Variants in HTT observed in about 807,000 individuals in gnomAD.
HTT encodes the protein huntington disease protein.
In HTT, 104 loss-of-function variants were observed where a neutral mutation model predicts 362.3. The ratio of observed to expected loss-of-function variants is 0.29; its 90% CI spans 0.24 to 0.34. The LOEUF (loss-of-function observed/expected upper bound fraction) is 0.34. Among genes scored for constraint, HTT ranks in the 10% least tolerant of loss-of-function variants. The probability of loss-of-function intolerance (pLI) is 1.00; values close to 1 mark genes in which losing one functional copy is unlikely to be tolerated. For synonymous variants in HTT, 1,577 were observed against 1,548.7 expected (o/e 1.02, Z -0.43); for missense variants, 3,301 against 3,928.6 (o/e 0.84, Z 4.27).
At chr4:3,187,288 T>G (rs1718811776) in intron 38 of HTT, among the ~76,000 whole-genome samples, 1 of 151,992 alleles carries the variant, frequency 6.6e-6, no homozygotes, top group Admixed American at 6.6e-5. Flanking sequence ...CCCGAGTAGC[T>G]GGGACTACAG....
In HTT at chr4:3,186,661, C is replaced by G. The variant is rs766366088; in HGVS notation, c.4931C>G (p.Ser1644Cys). 1 of 1,612,994 alleles carries G rather than the reference C, an allele frequency of 6.2e-7. No homozygotes were observed. Among genetic ancestry groups the G allele is most frequent in the Admixed American group, 1.7e-5 (1 of 59,976 alleles). Residue 1644 changes from serine (S) to cysteine (C), a missense_variant, in exon 38 of 67, where the codon TCC (serine) becomes TGC (cysteine). Ser to Cys is a moderately radical substitution (Grantham distance 112). Transcript: ENST00000355072. The part of the protein sequence containing the change: ...LNTLFEILAP[S>C]SLRPVDMLLR... The stretch of plus-strand genomic sequence containing the variant: ...ACATTATTTGAGATTTTGGCCCCTT[C>G]CTCCCTCCGTCCGGTAGACATGCTT...
chr4:3,147,912 C>T (rs2110205435), intron 25 of HTT, 93 bp from the exon 26 acceptor site: 2 of 988,028 alleles, frequency 2.0e-6, no homozygotes, highest in Non-Finnish European at 1.5e-6. Context: ...GGCCAACTCT[C>T]AACATAGGGT....
intron 46 of HTT, among the ~76,000 whole-genome samples, chr4:3,209,336 G>A (rs985301125): frequency 6.6e-6 from 1 of 151,744 alleles, no homozygotes; most frequent in Non-Finnish European, 1.5e-5. Context: ...ACCACCTGGA[G>A]CCTTGGTAGA....
chr4:3,180,637 A>C lies in HTT; in HGVS notation c.4735A>C (p.Ile1579Leu). 6.2e-7 allele frequency: 1 copy of C among 1,613,090 alleles called. No individual in the cohort carries two copies. The highest frequency in any genetic ancestry group is 8.5e-7 in the Non-Finnish European group (1 of 1,179,526). The change falls in exon 36 of 67, where the codon ATC becomes CTC. Residue 1579 changes from isoleucine to leucine, a missense_variant. By Grantham distance (5) the Ile-to-Leu change is conservative. Around this residue, in one of 4 missense-constraint regions of HTT, gnomAD observed 2,316 missense variants for 2,658.5 expected, o/e 0.87. Transcript: ENST00000355072. ...GGTGGTGTCAATGTTACTGAGACTC[A>C]TCCAGTACCATCAGGTAAGAGGAAT... ...EVVVSMLLRL[I>L]QYHQVLEMFI...
chr4:3,090,405 T>G (rs1052153428), intron 2 of HTT, among the ~76,000 whole-genome samples: 4 of 152,220 alleles, frequency 2.6e-5, no homozygotes, highest in African/African-American at 9.6e-5. Flanking sequence ...ACTACACATT[T>G]TTCACAAGTA....
intron 33 of HTT, among the ~76,000 whole-genome samples, chr4:3,176,034 T>G (rs914119978): frequency 2.1e-5 from 3 of 146,236 alleles, no homozygotes; most frequent in African/African-American, 8.2e-5. Flanking sequence ...TGTTTTTTTT[T>G]GTTTTTTTTT....
intron 5 of HTT, 66 bp from the exon 6 acceptor site, chr4:3,107,219 A>G (rs2110163210): frequency 6.4e-7 from 1 of 1,558,972 alleles, no homozygotes; most frequent in Non-Finnish European, 8.8e-7. Context: ...CTAACAGGGA[A>G]TGAATTGCTT....
intron 10 of HTT, chr4:3,123,241 C>T (rs1012330473): frequency 3.1e-5 from 8 of 258,596 alleles, no homozygotes; most frequent in Admixed American, 5.3e-5. Context: ...GTGTAAACAT[C>T]TTAGCTTTAT....
intron 47 of HTT, 121 bp downstream of exon 47, chr4:3,210,070 C>T (rs942129920): frequency 1.6e-6 from 2 of 1,263,880 alleles, no homozygotes; most frequent in Admixed American, 1.8e-5. Context: ...CCAGTCTGGG[C>T]AGGGACGGGA....
At chr4:3,115,492 G>T in intron 7 of HTT, 47 bp downstream of exon 7, 1 of 1,460,292 alleles carries the variant, frequency 6.8e-7, no homozygotes, top group Non-Finnish European at 9.5e-7. Flanking sequence ...ATGTACTCAA[G>T]ATAGACCTTT....
At position 3,191,230 on chromosome 4, in the gene HTT, A is replaced by G. The variant is rs534932501; in HGVS notation, c.5368+2137A>G. On this transcript the variant is annotated intron_variant, in intron 40 of 66. Transcript: ENST00000355072. The stretch of plus-strand genomic sequence containing the variant: ...CTCTTGTTGCCCATCCTGGAGTGCA[A>G]TGGTGCCATCTCGGCTCACCGCAAC... Among the ~76,000 whole-genome samples, 37 of 151,180 alleles carry G rather than the reference A, an allele frequency of 2.4e-4. 1 individual carries two copies. The South Asian group carries it at 7.3e-3, about 30-fold the overall frequency.
At chr4:3,162,535 T>C (rs1440850581) in intron 29 of HTT, among the ~76,000 whole-genome samples, 1 of 152,258 alleles carries the variant, frequency 6.6e-6, no homozygotes, top group Non-Finnish European at 1.5e-5. Flanking sequence ...ATTTTCACGA[T>C]ATTGATTCGT....
chr4:3,091,457 A>G (rs1416005740), intron 2 of HTT, among the ~76,000 whole-genome samples: 2 of 152,230 alleles, frequency 1.3e-5, no homozygotes, highest in East Asian at 1.9e-4. Flanking sequence ...AACTGTTTTG[A>G]GTGGAATATA....
At chr4:3,075,525 C>T (rs1712478283) in intron 1 of HTT, among the ~76,000 whole-genome samples, 1 of 151,856 alleles carries the variant, frequency 6.6e-6, no homozygotes, top group Non-Finnish European at 1.5e-5. Flanking sequence ...CTCTTCTAGT[C>T]TGAGAGGGAA....
intron 6 of HTT, among the ~76,000 whole-genome samples, chr4:3,108,052 G>C (rs933564330): frequency 9.9e-5 from 15 of 152,124 alleles, no homozygotes; most frequent in African/African-American, 3.6e-4. Context: ...CTCTTTACTA[G>C]TTATTTTCCT....
chr4:3,116,220 G>A lies in HTT; in HGVS notation c.1025G>A (p.Arg342Lys). 6.2e-7 allele frequency: 1 copy of A among 1,613,744 alleles called. No homozygotes were observed. Among genetic ancestry groups the A allele is most frequent in the Non-Finnish European group, 8.5e-7 (1 of 1,179,640 alleles). Residue 342 changes from arginine (R) to lysine (K), a missense_variant, in exon 8 of 67, where the codon AGG becomes AAG. By Grantham distance (26) the Arg-to-Lys change is conservative. Around this residue, in one of 4 missense-constraint regions of HTT, gnomAD observed 2,316 missense variants for 2,658.5 expected, o/e 0.87. Transcript: ENST00000355072. ...TSLKGSFGVT[R>K]KEMEVSPSAE... Reference sequence around the variant, plus strand: ...CTGAAAGGCAGCTTCGGAGTGACAAGGAAAGAAATGGAAGTCTCTCCTTCT... The same window carrying A: ...CTGAAAGGCAGCTTCGGAGTGACAAAGAAAGAAATGGAAGTCTCTCCTTCT...
intron 11 of HTT, among the ~76,000 whole-genome samples, chr4:3,126,638 C>A (rs571866617): frequency 1.8e-3 from 270 of 152,318 alleles, no homozygotes; most frequent in Non-Finnish European, 3.0e-3. Context: ...ATAAAGCTCA[C>A]ATGCTTACCG....
intron 23 of HTT, among the ~76,000 whole-genome samples, chr4:3,143,989 A>G (rs151230014): frequency 9.7e-4 from 148 of 152,342 alleles, no homozygotes; most frequent in South Asian, 3.3e-3. Flanking sequence ...AATTATGTAC[A>G]TATGCTAGTA....
intron 61 of HTT, 149 bp downstream of exon 61, chr4:3,233,502 G>A: frequency 1.3e-6 from 1 of 760,912 alleles, no homozygotes; most frequent in Admixed American, 2.5e-5. Context: ...GCTGAGGTCA[G>A]TGAGACGCAA....
Sources: gnomAD v4.1 joint callset for allele counts (sites outside exome capture counted in the v4.1 genomes callset) on GRCh38, gnomAD v4.1.1 for gene constraint, gnomAD v4.1.1 regional missense constraint, MANE v1.5 for transcripts, NCBI Gene and HGNC (gene_info 2026-07-23, HGNC 2026-07-21) for gene names.